The following CHODL variants were observed in gnomAD, a reference collection of about 807,000 sequenced individuals.
CHODL encodes the protein transmembrane protein MT75.
A neutral mutation model predicts 34.5 loss-of-function variants in CHODL; 29 were observed. That is an observed-to-expected ratio of 0.84 (90% CI 0.63 to 1.15). The LOEUF is 1.15. Among genes scored for constraint, CHODL ranks in the 50% most tolerant of loss-of-function variants. The pLI, the probability that CHODL is intolerant of heterozygous loss-of-function variation, is 0.00. For synonymous variants in CHODL, 125 were observed against 116.1 expected (o/e 1.08, Z -0.49); for missense variants, 332 against 332.5 (o/e 1.00, Z 0.01).
intron 2 of CHODL, among the ~76,000 whole-genome samples, chr21:18,184,069 A>T (rs566956980): frequency 6.6e-6 from 1 of 152,170 alleles, no homozygotes; most frequent in Non-Finnish European, 1.5e-5. Context: ...TGTGATTTGA[A>T]ATTAGTTTAC....
intron 2 of CHODL, among the ~76,000 whole-genome samples, chr21:18,211,350 A>G (rs1362004807): frequency 6.6e-6 from 1 of 152,190 alleles, no homozygotes; most frequent in Non-Finnish European, 1.5e-5. Flanking sequence ...TGTATTTAGG[A>G]CACTGAACAG....
At chr21:18,226,956 C>T (rs553555717) in intron 2 of CHODL, among the ~76,000 whole-genome samples, 146 of 152,178 alleles carry the variant, frequency 9.6e-4, no homozygotes, top group African/African-American at 3.4e-3. Flanking sequence ...ATTCCGGCTG[C>T]GATAACAAAA....
At chr21:18,089,679 G>A (rs976032858) in intron 2 of CHODL, among the ~76,000 whole-genome samples, 1 of 152,138 alleles carries the variant, frequency 6.6e-6, no homozygotes, top group African/African-American at 2.4e-5. Context: ...TACAGATTGA[G>A]CTCATGAGGT....
intron 2 of CHODL, among the ~76,000 whole-genome samples, chr21:18,173,509 A>G (rs1328767581): frequency 6.6e-6 from 1 of 152,228 alleles, no homozygotes; most frequent in African/African-American, 2.4e-5. Context: ...CATACTGACT[A>G]TATTCCAAAT....
chr21:18,106,501 C>CTTT (rs60995338), intron 2 of CHODL, among the ~76,000 whole-genome samples: 1 of 133,238 alleles, frequency 7.5e-6, no homozygotes, highest in Admixed American at 7.4e-5. Context: ...TTTTCTTTTT[C>CTTT]TTTTTTTTTT....
At chr21:18,246,407 C>G (rs1031918156) in intron 1 of CHODL, among the ~76,000 whole-genome samples, 1 of 152,104 alleles carries the variant, frequency 6.6e-6, no homozygotes, top group Non-Finnish European at 1.5e-5. Context: ...TGAAGCCAGA[C>G]CTTTAGACAT....
chr21:18,251,621 A>AAATAT (rs2074250658), intron 1 of CHODL, among the ~76,000 whole-genome samples: 6 of 111,740 alleles, frequency 5.4e-5, no homozygotes, highest in South Asian at 2.4e-4. Context: ...TATATAAAAT[A>AAATAT]TTTATTTTAT....
At chr21:18,094,828 C>T (rs2065119274) in intron 2 of CHODL, among the ~76,000 whole-genome samples, 1 of 148,926 alleles carries the variant, frequency 6.7e-6, no homozygotes, top group Non-Finnish European at 1.5e-5. Context: ...AAATTAGTAA[C>T]AGAAAAAAAT....
intron 2 of CHODL, among the ~76,000 whole-genome samples, chr21:18,119,356 G>A (rs1457726478): frequency 6.6e-6 from 1 of 151,986 alleles, no homozygotes; most frequent in East Asian, 1.9e-4. Flanking sequence ...CTTACCCTAT[G>A]AGGTTATCTA....
At chr21:18,021,892 G>A (rs563720159) in intron 1 of CHODL, among the ~76,000 whole-genome samples, 2 of 152,230 alleles carry the variant, frequency 1.3e-5, no homozygotes, top group African/African-American at 4.8e-5. Flanking sequence ...CTGAATATTT[G>A]TGTCCTCTCC....
intron 2 of CHODL, among the ~76,000 whole-genome samples, chr21:18,200,989 C>G (rs557104730): frequency 6.6e-6 from 1 of 152,232 alleles, no homozygotes; most frequent in East Asian, 1.9e-4. Flanking sequence ...CCTGCCAACT[C>G]CTTGATTGCA....
In CHODL at chr21:18,266,301, T is replaced by C. The variant is rs1409443480; in HGVS notation, c.*263T>C. The C allele has an allele frequency of 2.7e-6, 3 of 1,094,920 alleles. No individual in the cohort carries two copies. Among genetic ancestry groups the C allele is most frequent in the Non-Finnish European group, 3.8e-6 (3 of 790,908 alleles). 67.8% of individuals were successfully genotyped at this position (1,094,920 alleles called of 1,614,324 possible). A position where few individuals can be genotyped will look rare whatever the true frequency, so the allele number is the denominator to read the frequency against. On this transcript the variant is annotated 3_prime_UTR_variant, in exon 6 of 6. Transcript: ENST00000299295. The stretch of plus-strand genomic sequence containing the variant: ...AACTTCAAGCAAATGAAATGGACAA[T>C]GCAGATAAAGTTGTTATCAACACGT...
intron 1 of CHODL, among the ~76,000 whole-genome samples, chr21:17,978,906 C>G (rs191979539): frequency 3.8e-4 from 58 of 152,096 alleles, no homozygotes; most frequent in African/African-American, 1.4e-3. Flanking sequence ...GAAGGCCTGC[C>G]CTTAGTTGCA....
chr21:18,141,546 T>C (rs1043943939), intron 2 of CHODL, among the ~76,000 whole-genome samples: 1 of 151,760 alleles, frequency 6.6e-6, no homozygotes, highest in African/African-American at 2.4e-5. Context: ...TAAAGGAGGA[T>C]GATGAAATTT....
chr21:18,060,926 G>A (rs2064655928), intron 2 of CHODL, among the ~76,000 whole-genome samples: 1 of 152,160 alleles, frequency 6.6e-6, no homozygotes, highest in African/African-American at 2.4e-5. Context: ...TACCATAAAT[G>A]AGTGTCATAG....
At chr21:18,132,213 T>C (rs2072664466) in intron 2 of CHODL, among the ~76,000 whole-genome samples, 1 of 152,104 alleles carries the variant, frequency 6.6e-6, no homozygotes, top group African/African-American at 2.4e-5. Flanking sequence ...TTATTATCTC[T>C]TTAGTTAACA....
intron 1 of CHODL, among the ~76,000 whole-genome samples, chr21:17,920,220 T>C (rs1256390655): frequency 6.6e-6 from 1 of 152,192 alleles, no homozygotes; most frequent in African/African-American, 2.4e-5. Context: ...CTGGTACCAA[T>C]TTACTGTATT....
intron 2 of CHODL, among the ~76,000 whole-genome samples, chr21:18,165,802 T>C (rs2073146218): frequency 2.0e-5 from 3 of 152,210 alleles, no homozygotes; most frequent in Non-Finnish European, 4.4e-5. Context: ...CCTAGACAAG[T>C]GTATTGAATC....
At chr21:18,216,757 A>G (rs57486606) in intron 2 of CHODL, among the ~76,000 whole-genome samples, 6,758 of 152,232 alleles carry the variant, frequency 0.044, 183 homozygotes, top group Non-Finnish European at 0.06. Context: ...GGAAGCAAGC[A>G]CCTTCTTCAT....
Sources: gnomAD v4.1 joint callset for allele counts (sites outside exome capture counted in the v4.1 genomes callset) on GRCh38, gnomAD v4.1.1 for gene constraint, MANE v1.5 for transcripts, NCBI Gene and HGNC (gene_info 2026-07-23, HGNC 2026-07-21) for gene names.